The following KCNJ6 variants were observed in gnomAD, a reference collection of about 807,000 sequenced individuals.
KCNJ6 encodes G protein-activated inward rectifier potassium channel 2.
Under a neutral mutation model 34.2 loss-of-function variants are expected in KCNJ6, and 9 were observed. That is an observed-to-expected ratio of 0.26 (90% CI 0.16 to 0.46). The LOEUF is 0.46. Ranked by LOEUF, KCNJ6 falls within the 20% of genes least tolerant of loss-of-function variation. The probability of loss-of-function intolerance (pLI) is 1.00; values close to 1 mark genes in which losing one functional copy is unlikely to be tolerated. For missense variants in KCNJ6, 236 were observed against 531.3 expected, an observed-to-expected ratio of 0.44 and a Z score of 5.46; for synonymous variants, 196 against 207.1, an observed-to-expected ratio of 0.95 and a Z score of 0.46.
chr21:37,649,920 ATTT>A (rs10597774), intron 3 of KCNJ6, among the ~76,000 whole-genome samples: 200 of 143,912 alleles, frequency 1.4e-3, no homozygotes, highest in Middle Eastern at 3.5e-3. Flanking sequence ...CACCCAGCTA[ATTT>A]TTTTTTTTTT....
intron 3 of KCNJ6, among the ~76,000 whole-genome samples, chr21:37,699,478 T>C (rs2835898): frequency 0.29 from 44,072 of 152,142 alleles, 6,764 homozygotes; most frequent in Middle Eastern, 0.36. Flanking sequence ...TGGAAAGCGA[T>C]CACCCTTCCC....
chr21:37,834,419 G>A (rs545194269), intron 2 of KCNJ6, among the ~76,000 whole-genome samples: 9 of 152,316 alleles, frequency 5.9e-5, no homozygotes, highest in African/African-American at 2.2e-4. Context: ...GTCTGTAAAA[G>A]GAAAGCCTCG....
In KCNJ6 at chr21:37,880,118, C is replaced by A. The variant is rs551698478; in HGVS notation, c.-28+35766G>T. On this transcript the variant is annotated intron_variant, in intron 1 of 3. Coordinates refer to ENST00000609713, the MANE Select transcript of KCNJ6 (RefSeq NM_002240.5). ...AAAAATACAAAAAAAAAAAAATTAG[C>A]CGAGTATGATTGATAATTACAGGTG... is the stretch of plus-strand genomic sequence containing the variant. Among the ~76,000 whole-genome samples, 22 of 144,574 alleles carry A rather than the reference C, an allele frequency of 1.5e-4. No homozygotes were observed. The East Asian group carries it at 4.0e-3, about 26-fold the overall frequency. The allele number at this position is 144,574 out of a possible 152,430, so 94.8% of individuals were successfully genotyped here.
chr21:37,791,727 A>G (rs2055217668), intron 2 of KCNJ6, among the ~76,000 whole-genome samples: 1 of 152,216 alleles, frequency 6.6e-6, no homozygotes, highest in African/African-American at 2.4e-5. Context: ...TATGCCTGCC[A>G]GCATTGCTTT....
At chr21:37,840,937 T>C (rs1372095914) in intron 1 of KCNJ6, among the ~76,000 whole-genome samples, 1 of 152,206 alleles carries the variant, frequency 6.6e-6, no homozygotes, top group East Asian at 1.9e-4. Flanking sequence ...GAAATGAGCA[T>C]CTGTCACACT....
chr21:37,786,630 T>A (rs909587894), intron 2 of KCNJ6, among the ~76,000 whole-genome samples: 2 of 152,242 alleles, frequency 1.3e-5, no homozygotes, highest in East Asian at 1.9e-4. Context: ...TGCTCTCATC[T>A]CTGCCTGGCT....
At chr21:37,790,617 G>A (rs777450419) in intron 2 of KCNJ6, among the ~76,000 whole-genome samples, 3 of 152,162 alleles carry the variant, frequency 2.0e-5, no homozygotes, top group African/African-American at 4.8e-5. Context: ...TTCACTCTGC[G>A]TAGGTTTTTA....
chr21:37,869,329 C>A (rs1315169131), intron 1 of KCNJ6, among the ~76,000 whole-genome samples: 1 of 152,276 alleles, frequency 6.6e-6, no homozygotes, highest in East Asian at 1.9e-4. Flanking sequence ...GTATGCCAAG[C>A]ATTCCTTTCT....
intron 3 of KCNJ6, among the ~76,000 whole-genome samples, chr21:37,642,518 G>C (rs1358880758): frequency 6.6e-6 from 1 of 152,142 alleles, no homozygotes; most frequent in African/African-American, 2.4e-5. Flanking sequence ...GGGTAAAGAG[G>C]GAGCCAGTGA....
At chr21:37,730,385 G>A (rs2054878166) in intron 2 of KCNJ6, among the ~76,000 whole-genome samples, 1 of 152,198 alleles carries the variant, frequency 6.6e-6, no homozygotes, top group African/African-American at 2.4e-5. Flanking sequence ...GCAAGTATTT[G>A]TTCAGGCCAC....
At position 37,616,590 on chromosome 21, in the gene KCNJ6, C is replaced by CATATATATATATATATATATATAT; in HGVS notation, c.*8545_*8568dup. 129 of 90,908 alleles carry CATATATATATATATATATATATAT rather than the reference C, an allele frequency of 1.4e-3. 5 individuals carry two copies. The highest frequency in any genetic ancestry group is 2.9e-3 in the African/African-American group (63 of 21,796). 5.6% of individuals were successfully genotyped at this position (90,908 alleles called of 1,614,324 possible). ...AATTATGAAGCAGGAACAAAATGTACATATATATATATATATATATATATA... is the reference window on the plus strand; with the variant it reads ...AATTATGAAGCAGGAACAAAATGTACATATATATATATATATATATATATATATATATATATATATATATATATA... On this transcript the variant is annotated 3_prime_UTR_variant, in exon 4 of 4. Coordinates refer to ENST00000609713, the MANE Select transcript of KCNJ6 (RefSeq NM_002240.5).
rs2054254356 is a variant in KCNJ6, at chr21:37,614,438, C to CTGTATGCATGTGTCTGTGTCTGCGTG, written c.*10720_*10721insCACGCAGACACAGACACATGCATACA. The CTGTATGCATGTGTCTGTGTCTGCGTG allele has an allele frequency of 1.7e-5, 2 of 117,102 alleles. No homozygotes were observed. The highest frequency in any genetic ancestry group is 3.4e-5 in the Non-Finnish European group (2 of 58,818). 7.3% of individuals were successfully genotyped at this position (117,102 alleles called of 1,614,324 possible). A position where few individuals can be genotyped will look rare whatever the true frequency, so the allele number is the denominator to read the frequency against. ...TGTCTGTGTGAGTATGCGTGTATCTCTGTGTGTATGCATGTGTCTGTGTCT... is the reference window on the plus strand; with the variant it reads ...TGTCTGTGTGAGTATGCGTGTATCTCTGTATGCATGTGTCTGTGTCTGCGTGTGTGTGTATGCATGTGTCTGTGTCT... On this transcript the variant is annotated 3_prime_UTR_variant, in exon 4 of 4. Transcript: ENST00000609713.
intron 1 of KCNJ6, among the ~76,000 whole-genome samples, chr21:37,906,743 C>T (rs1016152040): frequency 2.6e-5 from 4 of 152,240 alleles, no homozygotes; most frequent in African/African-American, 9.6e-5. Flanking sequence ...TCCTTGAGTG[C>T]TGATTAAAAA....
chr21:37,881,682 C>T (rs1455047923), intron 1 of KCNJ6, among the ~76,000 whole-genome samples: 1 of 152,154 alleles, frequency 6.6e-6, no homozygotes, highest in Non-Finnish European at 1.5e-5. Flanking sequence ...CCTCTTCTTC[C>T]TCGTCTTCTA....
chr21:37,840,670 T>C lies in KCNJ6; in HGVS notation c.13A>G (p.Thr5Ala), dbSNP rs1360921587. ...TGAAGCTACTCACTCATGGATTCTG[T>C]CAGCTTGGCCATTGTTGCAGTTTCT... is the stretch of plus-strand genomic sequence containing the variant. MAKL[T>A]ESMTNVLEGD... is the part of the protein sequence containing the mutation. The change falls in exon 2 of 4, where the codon ACA (threonine) becomes GCA (alanine). Residue 5 changes from threonine (T) to alanine (A), a missense_variant. Thr to Ala is a moderately conservative substitution (Grantham distance 58). Coordinates refer to ENST00000609713, the MANE Select transcript of KCNJ6 (RefSeq NM_002240.5). The C allele has an allele frequency of 6.2e-7, 1 of 1,604,780 alleles. No homozygotes were observed. Among genetic ancestry groups the C allele is most frequent in the South Asian group, 1.1e-5 (1 of 90,012 alleles).
At chr21:37,846,484 T>C (rs2055508770) in intron 1 of KCNJ6, among the ~76,000 whole-genome samples, 1 of 151,686 alleles carries the variant, frequency 6.6e-6, no homozygotes, top group Admixed American at 6.6e-5. Context: ...GGTTTTTTTC[T>C]GCTGCATGGG....
chr21:37,705,563 C>T (rs1424674823), intron 3 of KCNJ6, among the ~76,000 whole-genome samples: 1 of 152,136 alleles, frequency 6.6e-6, no homozygotes, highest in African/African-American at 2.4e-5. Context: ...CACCAGGCTC[C>T]ACAGTGAAGG....
At chr21:37,737,626 A>C (rs1449694642) in intron 2 of KCNJ6, among the ~76,000 whole-genome samples, 2 of 152,202 alleles carry the variant, frequency 1.3e-5, no homozygotes, top group Non-Finnish European at 2.9e-5. Flanking sequence ...CCTTCTGCCC[A>C]GTCATAGTCT....
In KCNJ6 at chr21:37,818,698, G is replaced by A. The variant is rs1310696845; in HGVS notation, c.25+21960C>T. ...TTATCTTGTTACAATGATACTTTTC[G>A]ATTCACTGAGAAAACAGAAGTGACT... On this transcript the variant is annotated intron_variant, in intron 2 of 3. Coordinates refer to ENST00000609713, the MANE Select transcript of KCNJ6 (RefSeq NM_002240.5). Among the ~76,000 whole-genome samples, 3 of 152,190 alleles carry A rather than the reference G, an allele frequency of 2.0e-5. No individual in the cohort carries two copies. The East Asian group carries it at 5.8e-4, about 29-fold the overall frequency.
Sources: gnomAD v4.1 joint callset for allele counts (sites outside exome capture counted in the v4.1 genomes callset) on GRCh38, gnomAD v4.1.1 for gene constraint, MANE v1.5 for transcripts, NCBI Gene and HGNC (gene_info 2026-07-23, HGNC 2026-07-21) for gene names.